GBP5: variants seen among roughly 807,000 people sequenced by gnomAD.
GBP5 encodes the protein guanylate binding protein 5, also known as guanylate-binding protein 5.
GBP5 carries 48 observed loss-of-function variants against 58.2 expected under a neutral mutation model. The ratio of observed to expected loss-of-function variants is 0.83; its 90% CI spans 0.65 to 1.05. The LOEUF (loss-of-function observed/expected upper bound fraction) is 1.05. GBP5 is among the 50% of genes least tolerant of loss of function. The pLI is 0.00. For synonymous variants in GBP5, 248 were observed against 251.8 expected (o/e 0.98, Z 0.14); for missense variants, 714 against 686.8 (o/e 1.04, Z -0.44).
chr1:89,266,721 AATGGTAACTAATC>A, intron 6 of GBP5, 133 bp from the exon 7 acceptor site: 6 of 877,588 alleles, frequency 6.8e-6, no homozygotes, highest in Non-Finnish European at 1.0e-5. Flanking sequence ...TAAAAAGCAA[AATGGTAACTAATC>A]AGGGAAAGTA....
Position 89,257,330 on chromosome 1 carries a change from A to G in GBP5, c.*3374T>C, listed in dbSNP as rs74890890. Among the ~76,000 whole-genome samples the G allele has an allele frequency of 0.048, 7,252 of 152,204 alleles. 198 individuals carry two copies. The highest frequency in any genetic ancestry group is 0.08 in the East Asian group (413 of 5,176). On this transcript the variant is annotated 3_prime_UTR_variant, in exon 12 of 12. Coordinates refer to ENST00000370459, the MANE Select transcript of GBP5 (RefSeq NM_052942.5). The stretch of plus-strand genomic sequence containing the variant: ...AGGCGACTTATTCACTATCATGAAA[A>G]AAGCACATGAAAACCCACCCCCATG...
At chr1:89,260,902 A>G (rs1649985938) in intron 11 of GBP5, 85 bp from the exon 12 acceptor site, 1 of 924,518 alleles carries the variant, frequency 1.1e-6, no homozygotes, top group Non-Finnish European at 1.8e-6. Flanking sequence ...TTTCATCTAC[A>G]GTAGCAGTAA....
At chr1:89,261,535 C>G (rs914052807) in intron 11 of GBP5, among the ~76,000 whole-genome samples, 2 of 152,214 alleles carry the variant, frequency 1.3e-5, no homozygotes, top group African/African-American at 4.8e-5. Flanking sequence ...CATTGATTAT[C>G]TCTTTGAAAC....
Position 89,266,416 on chromosome 1 carries a change from T to G in GBP5, c.798A>C (p.Glu266Asp). 1 of 1,614,082 alleles carries G rather than the reference T, an allele frequency of 6.2e-7. No homozygotes were observed. The highest frequency in any genetic ancestry group is 8.5e-7 in the Non-Finnish European group (1 of 1,179,922). Residue 266 changes from glutamate (E) to aspartate (D), a missense_variant, in exon 7 of 12, where the codon GAA becomes GAC. Glu to Asp is a conservative substitution (Grantham distance 45). Transcript: ENST00000370459. Reference sequence around the variant, plus strand: ...AATGGCTAAAGATGTAGGAACAGAATTCTGTCACTTGTTGCACAAATTCAG... The same window carrying G: ...AATGGCTAAAGATGTAGGAACAGAAGTCTGTCACTTGTTGCACAAATTCAG... ...LEPEFVQQVT[E>D]FCSYIFSHSM...
At chr1:89,269,699 A>G in intron 2 of GBP5, 125 bp from the exon 3 acceptor site, 1 of 558,236 alleles carries the variant, frequency 1.8e-6, no homozygotes, top group Non-Finnish European at 3.1e-6. Flanking sequence ...TCTGGAAAAA[A>G]AAAGTTTTAA....
chr1:89,262,868 C>A, intron 9 of GBP5, 83 bp from the exon 10 acceptor site: 1 of 840,024 alleles, frequency 1.2e-6, no homozygotes, highest in Non-Finnish European at 1.9e-6. Context: ...TTCCTTCCAG[C>A]AGCATCTATT....
chr1:89,262,160 G>T, intron 11 of GBP5, 60 bp downstream of exon 11: 2 of 1,513,148 alleles, frequency 1.3e-6, no homozygotes, highest in Non-Finnish European at 9.1e-7. Flanking sequence ...CTCCCTCTTT[G>T]CCACTGCTAC....
rs762920817 is a variant in GBP5 at position 89,264,969 on chromosome 1, T to G, written c.869-3A>C. On this transcript the variant is annotated splice_region_variant and splice_polypyrimidine_tract_variant and intron_variant, in intron 7 of 11. Transcript: ENST00000370459. ...GGTCAGCACCAGGTTCTTTAGACCT[T>G]CATGGAAGAAAGAAACATTTATATT... is the stretch of plus-strand genomic sequence containing the variant. 6.2e-7 allele frequency: 1 copy of G among 1,602,876 alleles called. No homozygotes were observed. Among genetic ancestry groups the G allele is most frequent in the South Asian group, 1.1e-5 (1 of 90,634 alleles).
At position 89,260,581 on chromosome 1, in the gene GBP5, G is replaced by A. The variant is rs1215580329; in HGVS notation, c.*123C>T. The A allele has an allele frequency of 7.8e-6, 5 of 642,612 alleles. No homozygotes were observed. In the Admixed American group the frequency reaches 8.1e-5, roughly 10 times the overall value. 39.8% of individuals were successfully genotyped at this position (642,612 alleles called of 1,614,324 possible). ...GCATCATAATCTTATAACTCTATAT[G>A]AAAGTTTGAAAAAATAATTATAAAG... On this transcript the variant is annotated 3_prime_UTR_variant, in exon 12 of 12. Coordinates refer to ENST00000370459, the MANE Select transcript of GBP5 (RefSeq NM_052942.5).
At chr1:89,264,284 TA>T (rs1213005202) in intron 8 of GBP5, among the ~76,000 whole-genome samples, 2 of 152,186 alleles carry the variant, frequency 1.3e-5, no homozygotes, top group Admixed American at 1.3e-4. Flanking sequence ...TTTCCAATGA[TA>T]AAGTTCGAAG....
At position 89,258,401 on chromosome 1, in the gene GBP5, A is replaced by C. The variant is rs1649862214; in HGVS notation, c.*2303T>G. On this transcript the variant is annotated 3_prime_UTR_variant, in exon 12 of 12. Coordinates refer to ENST00000370459, the MANE Select transcript of GBP5 (RefSeq NM_052942.5). Reference sequence around the variant, plus strand: ...TAGAGCTATTCTTTTTACTGATAACATTTCCTTGGATGATAAAATGTATTT... The same window carrying C: ...TAGAGCTATTCTTTTTACTGATAACCTTTCCTTGGATGATAAAATGTATTT... Among the ~76,000 whole-genome samples the C allele has an allele frequency of 1.3e-5, 2 of 152,170 alleles. No homozygotes were observed. Among genetic ancestry groups the C allele is most frequent in the African/African-American group, 4.8e-5 (2 of 41,434 alleles).
At chr1:89,262,133 A>C in intron 11 of GBP5, 87 bp downstream of exon 11, 1 of 1,285,922 alleles carries the variant, frequency 7.8e-7, no homozygotes, top group Non-Finnish European at 1.1e-6. Context: ...GCTGAGAGCC[A>C]CAAGATCTTG....
chr1:89,266,859 AT>A, intron 6 of GBP5, 97 bp downstream of exon 6: 1 of 764,540 alleles, frequency 1.3e-6, no homozygotes, highest in Non-Finnish European at 2.1e-6. Flanking sequence ...GTGAATATAT[AT>A]ATATATAGAA....
chr1:89,268,887 A>G, intron 3 of GBP5, 31 bp from the exon 4 acceptor site: 1 of 1,602,596 alleles, frequency 6.2e-7, no homozygotes, highest in Non-Finnish European at 8.5e-7. Flanking sequence ...TTGTAATAGA[A>G]GAGAAACTCT....
At position 89,260,749 on chromosome 1, in the gene GBP5, G is replaced by T; in HGVS notation, c.1716C>A (p.His572Gln). 6.2e-7 allele frequency: 1 copy of T among 1,613,986 alleles called. No individual in the cohort carries two copies. Among genetic ancestry groups the T allele is most frequent in the East Asian group, 2.2e-5 (1 of 44,882 alleles). ...CATCGTTATTAACAGTCCTCTGGGC[G>T]TGCTGGAGCTCACTGAGAAGGCTTC... Reference protein sequence around the residue: ...QNRSLLSELQHAQRTVNNDDP... With the variant: ...QNRSLLSELQQAQRTVNNDDP... Residue 572 changes from histidine (H) to glutamine (Q), a missense_variant, in exon 12 of 12, where the codon CAC (histidine) becomes CAA (glutamine). Transcript: ENST00000370459.
intron 1 of GBP5, chr1:89,271,189 C>T (rs957292576): frequency 4.6e-5 from 7 of 152,202 alleles, no homozygotes; most frequent in African/African-American, 1.4e-4. Context: ...TTCTCCCTAA[C>T]TGCTTGAGCC....
At position 89,262,345 on chromosome 1, in the gene GBP5, G is replaced by GA. The variant is rs771030331; in HGVS notation, c.1521dup (p.Gln508SerfsTer57). On this transcript the variant is annotated frameshift_variant, in exon 11 of 12. Transcript: ENST00000370459. LOFTEE classifies it high-confidence loss of function. The stretch of plus-strand genomic sequence containing the variant: ...TGCATCATTTGCTCGTTCTGCCTTT[G>GA]AATCGCCGCCAACCTTTGCGCTTCA... The GA allele has an allele frequency of 3.1e-6, 5 of 1,614,052 alleles. No individual in the cohort carries two copies. The South Asian group carries it at 5.5e-5, about 18-fold the overall frequency.
At position 89,260,728 on chromosome 1, in the gene GBP5, GTTA is replaced by G. The variant is rs1557499386; in HGVS notation, c.1734_1736del (p.Asn579del). On this transcript the variant is annotated inframe_deletion, in exon 12 of 12. Transcript: ENST00000370459. ...TTTAGAGTAAAACACATGGATCATC[GTTA>G]TTAACAGTCCTCTGGGCGTGCTGGA... 1.9e-6 allele frequency: 3 copies of G among 1,613,052 alleles called. No individual in the cohort carries two copies. Among genetic ancestry groups the G allele is most frequent in the Non-Finnish European group, 1.7e-6 (2 of 1,179,068 alleles).
At position 89,260,772 on chromosome 1, in the gene GBP5, T is replaced by G; in HGVS notation, c.1693A>C (p.Ser565Arg). 6.2e-7 allele frequency: 1 copy of G among 1,614,108 alleles called. No homozygotes were observed. Among genetic ancestry groups the G allele is most frequent in the Non-Finnish European group, 8.5e-7 (1 of 1,179,990 alleles). Reference sequence around the variant, plus strand: ...GCGTGCTGGAGCTCACTGAGAAGGCTTCTATTTTGAGCTTGGAATGTTGTG... The same window carrying G: ...GCGTGCTGGAGCTCACTGAGAAGGCGTCTATTTTGAGCTTGGAATGTTGTG... The part of the protein sequence containing the change: ...LSTTFQAQNR[S>R]LLSELQHAQR... Residue 565 changes from serine to arginine, a missense_variant, in exon 12 of 12, where the codon AGC becomes CGC. Coordinates refer to ENST00000370459, the MANE Select transcript of GBP5 (RefSeq NM_052942.5).
Sources: allele counts gnomAD v4.1 joint callset (sites outside exome capture counted in the v4.1 genomes callset), GRCh38; gene constraint gnomAD v4.1.1; transcripts MANE v1.5; gene names NCBI Gene and HGNC (gene_info 2026-07-23, HGNC 2026-07-21).